The following CADM1 variants were observed in gnomAD, a reference collection of about 807,000 sequenced individuals.
CADM1 encodes TSLC-1.
In CADM1, 15 loss-of-function variants were observed where a neutral mutation model predicts 53.1. The observed-to-expected ratio is 0.28, with a 90% CI of 0.19 to 0.44. The LOEUF is 0.44. Ranked by LOEUF, CADM1 falls within the 20% of genes least tolerant of loss-of-function variation. The pLI is 1.00. For synonymous variants in CADM1, 281 were observed against 243.0 expected (o/e 1.16, Z -1.45); for missense variants, 434 against 611.3 (o/e 0.71, Z 3.06).
At chr11:115,181,247 G>A (rs371807854) in intron 10 of CADM1, among the ~76,000 whole-genome samples, 4 of 152,056 alleles carry the variant, frequency 2.6e-5, no homozygotes, top group South Asian at 4.1e-4. Flanking sequence ...AAGATCTCAC[G>A]AGGTATATGT....
At chr11:115,332,151 C>G (rs988564758) in intron 1 of CADM1, among the ~76,000 whole-genome samples, 2 of 152,114 alleles carry the variant, frequency 1.3e-5, no homozygotes, top group African/African-American at 4.8e-5. Context: ...GGGCTGAGTA[C>G]GGAAGCAGGG....
chr11:115,281,406 C>T (rs567869445), intron 1 of CADM1, among the ~76,000 whole-genome samples: 3 of 152,310 alleles, frequency 2.0e-5, no homozygotes, highest in East Asian at 1.9e-4. Flanking sequence ...AAGATAAATG[C>T]TATTTTTACA....
At chr11:115,228,599 C>T (rs770229938) in intron 5 of CADM1, among the ~76,000 whole-genome samples, 4 of 152,194 alleles carry the variant, frequency 2.6e-5, no homozygotes, top group Non-Finnish European at 4.4e-5. Flanking sequence ...GAGAAAACCT[C>T]ACTCACTACA....
chr11:115,216,157 A>G (rs1288795425), intron 6 of CADM1, among the ~76,000 whole-genome samples: 1 of 152,226 alleles, frequency 6.6e-6, no homozygotes, highest in Non-Finnish European at 1.5e-5. Flanking sequence ...AAGTTAAATT[A>G]CCATTTTTAT....
rs1328054761 is a variant in CADM1 at position 115,174,961 on chromosome 11, C to T, written c.*1513G>A. The stretch of plus-strand genomic sequence containing the variant: ...ACTCCTCTACCTTTTCCCGAGGCTC[C>T]CCATCTAAGATATGTTCAAGGTCAC... On this transcript the variant is annotated 3_prime_UTR_variant, in exon 12 of 12. Coordinates refer to ENST00000331581, the MANE Select transcript of CADM1 (RefSeq NM_001301043.2). 1.0e-6 allele frequency: 1 copy of T among 985,618 alleles called. No homozygotes were observed. Among genetic ancestry groups the T allele is most frequent in the African/African-American group, 1.7e-5 (1 of 57,184 alleles). The allele number at this position is 985,618 out of a possible 1,614,324, so 61.1% of individuals were successfully genotyped here. A position where few individuals can be genotyped will look rare whatever the true frequency, so the allele number is the denominator to read the frequency against.
Position 115,176,326 on chromosome 11 carries a change from T to TA in CADM1, c.*147dup. 2.0e-6 allele frequency: 3 copies of TA among 1,519,808 alleles called. No homozygotes were observed. The highest frequency in any genetic ancestry group is 1.8e-6 in the Non-Finnish European group (2 of 1,131,060). The allele number at this position is 1,519,808 out of a possible 1,614,324, so 94.1% of individuals were successfully genotyped here. Reference sequence around the variant, plus strand: ...TTCCAAAGAACATTTTTTTTTTTTTTACACAGCAAATCCCAAGCCTTCCCA... The same window carrying TA: ...TTCCAAAGAACATTTTTTTTTTTTTTAACACAGCAAATCCCAAGCCTTCCCA... On this transcript the variant is annotated 3_prime_UTR_variant, in exon 12 of 12. Coordinates refer to ENST00000331581, the MANE Select transcript of CADM1 (RefSeq NM_001301043.2).
chr11:115,206,378 A>G (rs1940679436), intron 8 of CADM1, among the ~76,000 whole-genome samples: 1 of 152,122 alleles, frequency 6.6e-6, no homozygotes, highest in Admixed American at 6.5e-5. Context: ...CAGGAGGCAG[A>G]AAACGCCCTG....
intron 1 of CADM1, among the ~76,000 whole-genome samples, chr11:115,355,921 C>T (rs551222097): frequency 2.6e-5 from 4 of 152,324 alleles, no homozygotes; most frequent in East Asian, 3.9e-4. Context: ...CAACCTCCGC[C>T]TCCTGGGTTC....
intron 3 of CADM1, among the ~76,000 whole-genome samples, chr11:115,236,161 A>T (rs144677355): frequency 1.4e-3 from 213 of 152,352 alleles, no homozygotes; most frequent in African/African-American, 4.8e-3. Flanking sequence ...CAACCTATCA[A>T]GAAGTTTGAC....
chr11:115,231,142 T>C (rs1309968033), intron 4 of CADM1, among the ~76,000 whole-genome samples: 1 of 152,204 alleles, frequency 6.6e-6, no homozygotes, highest in Non-Finnish European at 1.5e-5. Context: ...GCTATCACCA[T>C]GAACCCTCAA....
intron 1 of CADM1, among the ~76,000 whole-genome samples, chr11:115,331,508 G>A (rs1033874841): frequency 1.3e-5 from 2 of 152,044 alleles, no homozygotes; most frequent in African/African-American, 4.8e-5. Flanking sequence ...TCCAACTAAT[G>A]TCCTAAACTT....
At chr11:115,378,695 AAC>A (rs2135146811) in intron 1 of CADM1, among the ~76,000 whole-genome samples, 1 of 152,266 alleles carries the variant, frequency 6.6e-6, no homozygotes, top group South Asian at 2.1e-4. Flanking sequence ...ACACCCGAAA[AAC>A]ACATAAAATT....
intron 1 of CADM1, among the ~76,000 whole-genome samples, chr11:115,491,180 G>A (rs989235920): frequency 6.6e-6 from 1 of 152,090 alleles, no homozygotes; most frequent in African/African-American, 2.4e-5. Context: ...CCGATCAGAA[G>A]CAAGGTAAGG....
At position 115,247,920 on chromosome 11, in the gene CADM1, G is replaced by T. The variant is rs769781701; in HGVS notation, c.125-7500C>A. ...CAGGTTTTAAAACACTTACTGGAAA[G>T]AATTATGTAAATTAGGAAAAAAGTT... On this transcript the variant is annotated intron_variant, in intron 1 of 11. Transcript: ENST00000331581. Among the ~76,000 whole-genome samples the T allele has an allele frequency of 1.1e-4, 16 of 152,284 alleles. 1 individual carries two copies. Among genetic ancestry groups the T allele is most frequent in the African/African-American group, 2.4e-4 (10 of 41,548 alleles).
chr11:115,301,910 CAT>C (rs1441358784), intron 1 of CADM1, among the ~76,000 whole-genome samples: 2 of 152,044 alleles, frequency 1.3e-5, no homozygotes, highest in Non-Finnish European at 2.9e-5. Context: ...GTCTTGAGAA[CAT>C]ATATATTTCT....
intron 1 of CADM1, among the ~76,000 whole-genome samples, chr11:115,490,932 G>A (rs532957366): frequency 6.6e-6 from 1 of 152,292 alleles, no homozygotes; most frequent in South Asian, 2.1e-4. Context: ...CATGAATACA[G>A]ACACTAAATA....
intron 1 of CADM1, among the ~76,000 whole-genome samples, chr11:115,254,541 G>A (rs1942712437): frequency 7.1e-6 from 1 of 140,396 alleles, no homozygotes; most frequent in African/African-American, 2.8e-5. Flanking sequence ...TAATGCGCAA[G>A]GGAGACAAAC....
chr11:115,316,075 A>G (rs904183374), intron 1 of CADM1, among the ~76,000 whole-genome samples: 2 of 152,218 alleles, frequency 1.3e-5, no homozygotes, highest in African/African-American at 4.8e-5. Context: ...TTGGCCAGCC[A>G]TGAACATGCC....
chr11:115,300,238 G>A (rs1227570348), intron 1 of CADM1, among the ~76,000 whole-genome samples: 1 of 152,048 alleles, frequency 6.6e-6, no homozygotes, highest in African/African-American at 2.4e-5. Flanking sequence ...AATTTTCAAG[G>A]GGCTCCTGCG....
Sources: allele counts gnomAD v4.1 joint callset (sites outside exome capture counted in the v4.1 genomes callset), GRCh38; gene constraint gnomAD v4.1.1; transcripts MANE v1.5; gene names NCBI Gene and HGNC (gene_info 2026-07-23, HGNC 2026-07-21).